The following CNOT4 variants were observed in gnomAD, a reference collection of about 807,000 sequenced individuals.
CNOT4 encodes the protein CCR4-NOT transcription complex subunit 4, also known as CCR4-associated factor 4.
CNOT4 carries 8 observed loss-of-function variants against 73.8 expected under a neutral mutation model. The ratio of observed to expected loss-of-function variants is 0.11; its 90% confidence interval spans 0.06 to 0.20. The LOEUF (loss-of-function observed/expected upper bound fraction) is 0.20, where lower values mean the gene tolerates loss of function less well. Ranked by LOEUF, CNOT4 falls within the 10% of genes least tolerant of loss-of-function variation. The pLI, the probability that CNOT4 is intolerant of heterozygous loss-of-function variation, is 1.00. For synonymous variants in CNOT4, 293 were observed against 321.1 expected, an observed-to-expected ratio of 0.91 and a Z score of 0.94; for missense variants, 564 against 883.4, an observed-to-expected ratio of 0.64 and a Z score of 4.58.
Position 135,369,882 on chromosome 7 carries a change from T to C in CNOT4, c.1628-5816A>G, listed in dbSNP as rs904622282. Among the ~76,000 whole-genome samples the C allele has an allele frequency of 7.9e-5, 12 of 152,338 alleles. No individual in the cohort carries two copies. In the East Asian group the frequency reaches 2.3e-3, roughly 29 times the overall value. On this transcript the variant is annotated intron_variant, in intron 10 of 11. Transcript: ENST00000541284. ...TCTAAGTGACTCAAATACAAATGAT[T>C]TATGCTGAACTAAACTTCAAAGAGC...
intron 1 of CNOT4, among the ~76,000 whole-genome samples, chr7:135,500,468 AT>A (rs1331939535): frequency 2.0e-5 from 3 of 152,206 alleles, no homozygotes; most frequent in Non-Finnish European, 4.4e-5. Context: ...AAAACAAAGA[AT>A]TTTAAAAAAA....
rs1176229229 is a variant in CNOT4 at position 135,363,768 on chromosome 7, GT to G, written c.1840+85del. The G allele has an allele frequency of 3.6e-6, 4 of 1,122,366 alleles. No homozygotes were observed. The East Asian group carries it at 9.5e-5, about 27-fold the overall frequency. 69.5% of individuals were successfully genotyped at this position (1,122,366 alleles called of 1,614,324 possible). A position where few individuals can be genotyped will look rare whatever the true frequency, so the allele number is the denominator to read the frequency against. ...TGCGGCTTTGTGAAAAGCAGCTTATGTTGAAGAGATCTCGGTTTTTATTTAA... is the reference window on the plus strand; with the variant it reads ...TGCGGCTTTGTGAAAAGCAGCTTATGTGAAGAGATCTCGGTTTTTATTTAA... On this transcript the variant is annotated intron_variant, in intron 11 of 11. Coordinates refer to ENST00000541284, the MANE Select transcript of CNOT4 (RefSeq NM_001190850.2). The surrounding 1 kb of genome is among the most constrained non-coding windows in gnomAD (Gnocchi z 4.3).
intron 1 of CNOT4, among the ~76,000 whole-genome samples, chr7:135,460,539 T>G (rs907053274): frequency 6.6e-6 from 1 of 152,112 alleles, no homozygotes; most frequent in Non-Finnish European, 1.5e-5. Flanking sequence ...ATGTATTAAT[T>G]AAGTTCATCA....
chr7:135,395,799 C>A lies in CNOT4; in HGVS notation c.964G>T (p.Ala322Ser). 1 of 1,613,788 alleles carries A rather than the reference C, an allele frequency of 6.2e-7. No individual in the cohort carries two copies. The highest frequency in any genetic ancestry group is 2.2e-5 in the East Asian group (1 of 44,866). Residue 322 changes from alanine (A) to serine (S), a missense_variant, in exon 9 of 12, where the codon GCA (alanine) becomes TCA (serine). This residue lies in a region of CNOT4 where 135 missense variants were observed against 154.0 expected (regional missense o/e 0.88). Coordinates refer to ENST00000541284, the MANE Select transcript of CNOT4 (RefSeq NM_001190850.2). ...VIPISSSNHS[A>S]RSPFEGAVTE... The stretch of plus-strand genomic sequence containing the variant: ...ACTGCCCCTTCAAAAGGGGACCGTG[C>A]ACTGTGATTGGATGAACTGATGGGG...
intron 1 of CNOT4, among the ~76,000 whole-genome samples, chr7:135,455,954 A>G (rs1298070197): frequency 6.6e-6 from 1 of 152,246 alleles, no homozygotes; most frequent in Non-Finnish European, 1.5e-5. Flanking sequence ...TGTGGGATGG[A>G]AACTCACTTA....
intron 10 of CNOT4, among the ~76,000 whole-genome samples, chr7:135,369,026 G>A: frequency 6.6e-6 from 1 of 152,182 alleles, no homozygotes; most frequent in African/African-American, 2.4e-5. Context: ...GGTTTTTCCA[G>A]CTGGCATAAA....
intron 1 of CNOT4, among the ~76,000 whole-genome samples, chr7:135,491,539 T>C (rs947212360): frequency 1.3e-5 from 2 of 152,206 alleles, no homozygotes; most frequent in Non-Finnish European, 1.5e-5. Flanking sequence ...CTAGATTTAA[T>C]AATGTCATTT....
chr7:135,503,254 C>T (rs1379147699), intron 1 of CNOT4, among the ~76,000 whole-genome samples: 6 of 152,018 alleles, frequency 3.9e-5, no homozygotes, highest in Non-Finnish European at 5.9e-5. Context: ...CACTTAAGCC[C>T]AGAAGTTTGA....
chr7:135,455,194 A>C (rs928294409), intron 1 of CNOT4, among the ~76,000 whole-genome samples: 5 of 151,894 alleles, frequency 3.3e-5, no homozygotes, highest in African/African-American at 7.3e-5. Flanking sequence ...GGATCACTTG[A>C]GCCAAGGATT....
At chr7:135,372,843 C>T (rs974947245) in intron 10 of CNOT4, among the ~76,000 whole-genome samples, 1 of 152,132 alleles carries the variant, frequency 6.6e-6, no homozygotes, top group Non-Finnish European at 1.5e-5. Flanking sequence ...GCGTGAGCCA[C>T]CGCACCCAGC....
chr7:135,370,360 T>C (rs1397979717), intron 10 of CNOT4, among the ~76,000 whole-genome samples: 2 of 152,212 alleles, frequency 1.3e-5, no homozygotes, highest in Non-Finnish European at 2.9e-5. Flanking sequence ...ACACGCTACA[T>C]ATGACTTGTG....
chr7:135,416,419 A>C (rs1180078483), intron 3 of CNOT4, among the ~76,000 whole-genome samples: 1 of 152,132 alleles, frequency 6.6e-6, no homozygotes, highest in Non-Finnish European at 1.5e-5. Flanking sequence ...GCCAATTCTA[A>C]TGGATTAGAA....
At position 135,451,846 on chromosome 7, in the gene CNOT4, C is replaced by CT. The variant is rs202038284; in HGVS notation, c.-92-13424dup. The stretch of plus-strand genomic sequence containing the variant: ...TTTAAAGAGTATTAAACTTTGAATC[C>CT]TTTGAGTGCAAAGACTGTGCCTATG... On this transcript the variant is annotated intron_variant, in intron 1 of 11. Transcript: ENST00000541284. Among the ~76,000 whole-genome samples, 14 of 152,260 alleles carry CT rather than the reference C, an allele frequency of 9.2e-5. No individual in the cohort carries two copies. In the East Asian group the frequency reaches 2.7e-3, roughly 29 times the overall value.
chr7:135,496,026 CTG>C (rs1275580242), intron 1 of CNOT4, among the ~76,000 whole-genome samples: 3 of 152,210 alleles, frequency 2.0e-5, no homozygotes, highest in East Asian at 1.9e-4. Context: ...CATACAAAAA[CTG>C]TGAATGCTCC....
chr7:135,479,107 G>A (rs1393107111), intron 1 of CNOT4, among the ~76,000 whole-genome samples: 2 of 149,832 alleles, frequency 1.3e-5, no homozygotes, highest in South Asian at 2.1e-4. Context: ...AGCATGGTAT[G>A]TGCATTTTTT....
At chr7:135,368,503 A>G (rs1795028721) in intron 10 of CNOT4, among the ~76,000 whole-genome samples, 1 of 152,254 alleles carries the variant, frequency 6.6e-6, no homozygotes, top group South Asian at 2.1e-4. Flanking sequence ...TTCAACAACT[A>G]CATCTGAAAA....
intron 2 of CNOT4, among the ~76,000 whole-genome samples, chr7:135,434,412 G>A (rs1190170797): frequency 2.6e-5 from 4 of 152,206 alleles, no homozygotes; most frequent in Non-Finnish European, 4.4e-5. Flanking sequence ...CCAAGAAGAG[G>A]TTCTAGGAGA....
chr7:135,454,753 A>T (rs1475704943), intron 1 of CNOT4, among the ~76,000 whole-genome samples: 1 of 152,128 alleles, frequency 6.6e-6, no homozygotes, highest in African/African-American at 2.4e-5. Context: ...TGAGCTGGGT[A>T]TGGTGGCGTG....
chr7:135,453,826 TTATATATATA>T (rs55732572), intron 1 of CNOT4, among the ~76,000 whole-genome samples: 4 of 89,902 alleles, frequency 4.4e-5, no homozygotes, highest in Admixed American at 1.4e-4. Flanking sequence ...TATATATATT[TTATATATATA>T]TATATATATA....
Sources: gnomAD v4.1 joint callset for allele counts (sites outside exome capture counted in the v4.1 genomes callset) on GRCh38, gnomAD v4.1.1 for gene constraint, gnomAD v4.1.1 regional missense constraint, Gnocchi (gnomAD v3.1) non-coding constraint, MANE v1.5 for transcripts, NCBI Gene and HGNC (gene_info 2026-07-23, HGNC 2026-07-21) for gene names.